The following BAHCC1 variants were observed in gnomAD, a reference collection of about 807,000 sequenced individuals.
BAHCC1 encodes BAH and coiled-coil domain-containing protein 1.
In BAHCC1, 43 loss-of-function variants were observed where a neutral mutation model predicts 88.2. That is an observed-to-expected ratio of 0.49 (90% confidence interval 0.38 to 0.63). The LOEUF is 0.63. BAHCC1 is among the 20% of genes least tolerant of loss of function. The pLI, the probability that BAHCC1 is intolerant of heterozygous loss-of-function variation, is 0.00. For missense variants in BAHCC1, 3,023 were observed against 1,654.8 expected (o/e 1.83, Z -14.34); for synonymous variants, 1,510 against 745.5 (o/e 2.03, Z -16.71).
intron 2 of BAHCC1, among the ~76,000 whole-genome samples, chr17:81,419,641 T>C (rs2064089824): frequency 6.8e-6 from 1 of 148,088 alleles, no homozygotes. Context: ...GGGTGGGAGC[T>C]GACGCAGGCG....
chr17:81,438,260 G>C (rs903115276), intron 3 of BAHCC1, 110 bp from the exon 4 acceptor site: 5 of 707,524 alleles, frequency 7.1e-6, no homozygotes, highest in Non-Finnish European at 1.3e-5. Context: ...TGGGCTCTGC[G>C]GGACATCGCT....
In BAHCC1 at chr17:81,445,341, C is replaced by T. The variant is rs781994971; in HGVS notation, c.2836-13C>T. 2 of 769,022 alleles carry T rather than the reference C, an allele frequency of 2.6e-6. No homozygotes were observed. The highest frequency in any genetic ancestry group is 1.7e-5 in the Admixed American group (1 of 57,788). The allele number at this position is 769,022 out of a possible 1,614,324, so 47.6% of individuals were successfully genotyped here. On this transcript the variant is annotated splice_polypyrimidine_tract_variant and intron_variant, in intron 9 of 27. Coordinates refer to ENST00000675386, the MANE Select transcript of BAHCC1 (RefSeq NM_001377448.1). ...ATCCTGAGCCTGACCGAGCTTGCCCCCATCCCTGACAGCGGAAGCCCGAAG... is the reference window on the plus strand; with the variant it reads ...ATCCTGAGCCTGACCGAGCTTGCCCTCATCCCTGACAGCGGAAGCCCGAAG...
In BAHCC1 at chr17:81,411,033, G is replaced by A; in HGVS notation, c.178+11116G>A. On this transcript the variant is annotated intron_variant, in intron 2 of 27. Coordinates refer to ENST00000675386, the MANE Select transcript of BAHCC1 (RefSeq NM_001377448.1). The surrounding 1 kb of genome is among the most constrained non-coding windows in gnomAD (Gnocchi z 6.2). The stretch of plus-strand genomic sequence containing the variant: ...TTGTTGTCCATATGTCTGTGTGAAG[G>A]CCTGGGGCCCCCGTGCGCCTCCCCT... 3.9e-6 allele frequency: 2 copies of A among 517,268 alleles called. No individual in the cohort carries two copies. Among genetic ancestry groups the A allele is most frequent in the Non-Finnish European group, 7.7e-6 (2 of 259,154 alleles). 32.0% of individuals were successfully genotyped at this position (517,268 alleles called of 1,614,324 possible).
At chr17:81,404,011 C>T (rs938337228) in intron 2 of BAHCC1, among the ~76,000 whole-genome samples, 5 of 152,238 alleles carry the variant, frequency 3.3e-5, no homozygotes, top group Non-Finnish European at 5.9e-5. Context: ...AGGCAGAGAA[C>T]GGCGTTGTGC....
Position 81,461,187 on chromosome 17 carries a change from G to T in BAHCC1, c.6524G>T (p.Gly2175Val), listed in dbSNP as rs763854667. ...CCCTTCGTCGGGGGGACCGGGCCGG[G>T]CCTCCCCAGGGGAGCCCACAAGCTG... ...YAPFVGGTGP[G>V]LPRGAHKLLR... Residue 2175 changes from glycine to valine, a missense_variant, in exon 26 of 28, where the codon GGC becomes GTC. Transcript: ENST00000675386. 2.7e-6 allele frequency: 2 copies of T among 742,974 alleles called. No homozygotes were observed. The highest frequency in any genetic ancestry group is 2.5e-6 in the Non-Finnish European group (1 of 405,228). The allele number at this position is 742,974 out of a possible 1,614,324, so 46.0% of individuals were successfully genotyped here. A position where few individuals can be genotyped will look rare whatever the true frequency, so the allele number is the denominator to read the frequency against.
chr17:81,397,231 C>T (rs1199614948), intron 1 of BAHCC1: 1 of 152,140 alleles, frequency 6.6e-6, no homozygotes, highest in Non-Finnish European at 1.5e-5. Flanking sequence ...AATCCACCTC[C>T]TGTTTGCTTA....
At chr17:81,427,077 G>T (rs969493584) in intron 3 of BAHCC1, 98 bp downstream of exon 3, 10 of 398,314 alleles carry the variant, frequency 2.5e-5, no homozygotes, top group Non-Finnish European at 4.0e-5. Flanking sequence ...CATCGTGGCC[G>T]TGGGAACCTG....
chr17:81,436,002 G>A (rs1350865568), intron 3 of BAHCC1, among the ~76,000 whole-genome samples: 2 of 152,216 alleles, frequency 1.3e-5, no homozygotes, highest in Non-Finnish European at 2.9e-5. Context: ...GCTGGGCTGG[G>A]AGGACCTTTT....
At chr17:81,400,249 C>T (rs1287690790) in intron 2 of BAHCC1, among the ~76,000 whole-genome samples, 10 of 152,364 alleles carry the variant, frequency 6.6e-5, no homozygotes, top group Non-Finnish European at 1.0e-4. Context: ...TTTCTGCATT[C>T]TGCATTCACC....
At position 81,411,955 on chromosome 17, in the gene BAHCC1, GAC is replaced by G. The variant is rs1389757330; in HGVS notation, c.178+12044_178+12045del. On this transcript the variant is annotated intron_variant, in intron 2 of 27. Transcript: ENST00000675386. The surrounding 1 kb of genome is among the most constrained non-coding windows in gnomAD (Gnocchi z 6.2). The stretch of plus-strand genomic sequence containing the variant: ...CACAGGAAGCATTTGCATTCAGCGA[GAC>G]ACACAGGCGCACAGGGACTCAAGTG... Among the ~76,000 whole-genome samples the G allele has an allele frequency of 6.6e-6, 1 of 152,266 alleles. No homozygotes were observed. The highest frequency in any genetic ancestry group is 2.1e-4 in the South Asian group (1 of 4,838).
chr17:81,403,486 A>G (rs2063841818), intron 2 of BAHCC1, among the ~76,000 whole-genome samples: 1 of 151,902 alleles, frequency 6.6e-6, no homozygotes, highest in Non-Finnish European at 1.5e-5. Flanking sequence ...AATCTCAAAA[A>G]AAAAAAAAGA....
chr17:81,455,422 G>A (rs969032299), intron 15 of BAHCC1, 32 bp downstream of exon 15: 1 of 712,534 alleles, frequency 1.4e-6, no homozygotes, highest in Admixed American at 2.0e-5. Context: ...TTGCCCCAGG[G>A]CCCTTCAGGT....
intron 3 of BAHCC1, among the ~76,000 whole-genome samples, chr17:81,430,774 G>A (rs919805295): frequency 1.8e-4 from 28 of 152,150 alleles, no homozygotes; most frequent in Non-Finnish European, 3.4e-4. Flanking sequence ...TTCCTCTCCC[G>A]GCCTCGGTTT....
intron 2 of BAHCC1, among the ~76,000 whole-genome samples, chr17:81,415,915 G>C (rs2064014764): frequency 6.6e-6 from 1 of 152,106 alleles, no homozygotes; most frequent in African/African-American, 2.4e-5. Flanking sequence ...GCCCCACCCT[G>C]CCAGGGAGAC....
Position 81,411,567 on chromosome 17 carries a change from C to G in BAHCC1, c.178+11650C>G, listed in dbSNP as rs371741214. 1 of 415,648 alleles carries G rather than the reference C, an allele frequency of 2.4e-6. No homozygotes were observed. The highest frequency in any genetic ancestry group is 4.7e-6 in the Non-Finnish European group (1 of 212,992). The allele number at this position is 415,648 out of a possible 1,614,324, so 25.7% of individuals were successfully genotyped here. A position where few individuals can be genotyped will look rare whatever the true frequency, so the allele number is the denominator to read the frequency against. ...TCCTTCCTTCCTTCCTTCCTTCCTT[C>G]CTTCCTTGAGAGGCCTCTCTACCCA... is the stretch of plus-strand genomic sequence containing the variant. On this transcript the variant is annotated intron_variant, in intron 2 of 27. Transcript: ENST00000675386. The surrounding 1 kb of genome is among the most constrained non-coding windows in gnomAD (Gnocchi z 6.2).
In BAHCC1 at chr17:81,461,129, G is replaced by C. The variant is rs782616262; in HGVS notation, c.6466G>C (p.Asp2156His). 2.6e-6 allele frequency: 2 copies of C among 763,094 alleles called. No individual in the cohort carries two copies. The highest frequency in any genetic ancestry group is 2.4e-5 in the East Asian group (1 of 40,972). The allele number at this position is 763,094 out of a possible 1,614,324, so 47.3% of individuals were successfully genotyped here. The change falls in exon 26 of 28, where the codon GAC (aspartate) becomes CAC (histidine). Residue 2156 changes from aspartate (D) to histidine (H), a missense_variant. By Grantham distance (81) the Asp-to-His change is moderately conservative (BLOSUM62 -1). Transcript: ENST00000675386. ...CATATTTGGCAACGGCTTCCGCGCC[G>C]ACTCCTTCAGCAGCCTGGCCAGCTC... ...TPIFGNGFRA[D>H]SFSSLASSYA...
chr17:81,443,690 C>G, intron 5 of BAHCC1, 119 bp from the exon 6 acceptor site: 1 of 646,198 alleles, frequency 1.5e-6, no homozygotes, highest in Non-Finnish European at 2.8e-6. Context: ...GCCCCAGGAC[C>G]AGGGGATCCT....
chr17:81,401,174 A>C (rs1261894158), intron 2 of BAHCC1: 14 of 152,364 alleles, frequency 9.2e-5, no homozygotes, highest in African/African-American at 3.1e-4. Flanking sequence ...AGGGCACTCA[A>C]AGAAAAACGT....
At chr17:81,431,152 C>T (rs926103696) in intron 3 of BAHCC1, among the ~76,000 whole-genome samples, 7 of 152,186 alleles carry the variant, frequency 4.6e-5, no homozygotes, top group Admixed American at 2.6e-4. Context: ...AGCCAGAGGG[C>T]GGCTGCCCCA....
Sources: gnomAD v4.1 joint callset for allele counts (sites outside exome capture counted in the v4.1 genomes callset) on GRCh38, gnomAD v4.1.1 for gene constraint, Gnocchi (gnomAD v3.1) non-coding constraint, MANE v1.5 for transcripts, NCBI Gene and HGNC (gene_info 2026-07-23, HGNC 2026-07-21) for gene names.